GNAI3: variants seen among roughly 807,000 people sequenced by gnomAD.
GNAI3 encodes G protein subunit alpha i3.
Under a neutral mutation model 41.8 loss-of-function variants are expected in GNAI3, and 12 were observed. The ratio of observed to expected loss-of-function variants is 0.29; its 90% CI spans 0.18 to 0.47. The LOEUF (loss-of-function observed/expected upper bound fraction) is 0.47, where lower values mean the gene tolerates loss of function less well. Among genes scored for constraint, GNAI3 ranks in the 20% least tolerant of loss-of-function variants. GNAI3 has a pLI of 1.00. For synonymous variants in GNAI3, 132 were observed against 146.5 expected, an observed-to-expected ratio of 0.90 and a Z score of 0.71; for missense variants, 360 against 429.6, an observed-to-expected ratio of 0.84 and a Z score of 1.43.
intron 1 of GNAI3, among the ~76,000 whole-genome samples, chr1:109,572,351 G>A (rs1648626880): frequency 6.6e-6 from 1 of 152,166 alleles, no homozygotes; most frequent in Non-Finnish European, 1.5e-5. Context: ...GGAGAGAGGA[G>A]ATTGAGGAGT....
intron 1 of GNAI3, among the ~76,000 whole-genome samples, chr1:109,569,874 T>C (rs913191845): frequency 2.6e-5 from 4 of 152,042 alleles, no homozygotes; most frequent in African/African-American, 9.7e-5. Flanking sequence ...AAATTGATTC[T>C]GAGATTAATG....
chr1:109,596,760 G>C lies in GNAI3; in HGVS notation c.*4438G>C, dbSNP rs893817550. The C allele has an allele frequency of 6.6e-6, 1 of 152,162 alleles. No individual in the cohort carries two copies. The highest frequency in any genetic ancestry group is 2.4e-5 in the African/African-American group (1 of 41,432). 9.4% of individuals were successfully genotyped at this position (152,162 alleles called of 1,614,324 possible). Reference sequence around the variant, plus strand: ...ATGTTAAACAGCAGTAGTTACCTGGGGTACATGGTTAATTTGATTTAGCAG... The same window carrying C: ...ATGTTAAACAGCAGTAGTTACCTGGCGTACATGGTTAATTTGATTTAGCAG... On this transcript the variant is annotated 3_prime_UTR_variant, in exon 9 of 9. Coordinates refer to ENST00000369851, the MANE Select transcript of GNAI3 (RefSeq NM_006496.4).
Position 109,573,938 on chromosome 1 carries a change from A to G in GNAI3, c.204A>G (p.Gln68=), listed in dbSNP as rs773348873. Residue 68 remains glutamine, a synonymous_variant, in exon 3 of 9, where the codon CAA becomes CAG. Transcript: ENST00000369851. ...GCTATTCAGAGGATGAATGTAAACA[A>G]TATAAAGTAGTTGTCTACAGCAATA... ...EDGYSEDECK[Q]YKVVVYSNTI... 9.9e-6 allele frequency: 16 copies of G among 1,609,040 alleles called. No homozygotes were observed. Among genetic ancestry groups the G allele is most frequent in the Admixed American group, 1.7e-5 (1 of 59,974 alleles).
rs1241291274 is a variant in GNAI3, at chr1:109,594,009, G to A, written c.*1687G>A. 4.6e-5 allele frequency: 7 copies of A among 152,626 alleles called. No individual in the cohort carries two copies. The allele number at this position is 152,626 out of a possible 1,614,324, so 9.5% of individuals were successfully genotyped here. On this transcript the variant is annotated 3_prime_UTR_variant, in exon 9 of 9. Transcript: ENST00000369851. The stretch of plus-strand genomic sequence containing the variant: ...CAAGTCATAGCAGTTCAGTGCCTTT[G>A]TTGGTAGTTTTTAACTTTTTTTGTG...
chr1:109,567,448 A>G (rs1030866378), intron 1 of GNAI3, among the ~76,000 whole-genome samples: 1 of 152,206 alleles, frequency 6.6e-6, no homozygotes, highest in African/African-American at 2.4e-5. Context: ...AGGAGAGGCG[A>G]TAGTAGACAG....
intron 1 of GNAI3, among the ~76,000 whole-genome samples, chr1:109,571,669 G>A: frequency 6.6e-6 from 1 of 152,194 alleles, no homozygotes. Context: ...TGTAATCCCA[G>A]CATTTTGGGA....
intron 1 of GNAI3, 117 bp downstream of exon 1, chr1:109,548,955 C>T: frequency 1.6e-6 from 1 of 639,702 alleles, no homozygotes; most frequent in Non-Finnish European, 2.8e-6. Context: ...GGAGGGCGTG[C>T]CGGGCGTGGG....
intron 1 of GNAI3, among the ~76,000 whole-genome samples, chr1:109,559,804 T>C (rs1242123722): frequency 6.6e-6 from 1 of 152,242 alleles, no homozygotes; most frequent in Non-Finnish European, 1.5e-5. Flanking sequence ...CAGGTGATCC[T>C]GTTACCGGCT....
At chr1:109,557,030 G>A (rs774372447) in intron 1 of GNAI3, among the ~76,000 whole-genome samples, 40 of 152,152 alleles carry the variant, frequency 2.6e-4, no homozygotes, top group Non-Finnish European at 4.4e-4. Flanking sequence ...CTGCCTCCCA[G>A]GTTCGAGCAA....
intron 3 of GNAI3, among the ~76,000 whole-genome samples, chr1:109,575,679 T>C (rs551566): frequency 1.3e-5 from 2 of 151,482 alleles, no homozygotes; most frequent in East Asian, 1.9e-4. Flanking sequence ...TTACAGGCGC[T>C]CACCTCCACG....
chr1:109,555,895 C>T (rs1184063166), intron 1 of GNAI3, among the ~76,000 whole-genome samples: 1 of 151,574 alleles, frequency 6.6e-6, no homozygotes. Context: ...TTTTTCCTAT[C>T]CTGTCTCTCT....
rs770342789 is a variant in GNAI3, at chr1:109,586,196, C to T, written c.591-20C>T. 1.2e-6 allele frequency: 2 copies of T among 1,609,356 alleles called. No homozygotes were observed. Among genetic ancestry groups the T allele is most frequent in the Admixed American group, 1.7e-5 (1 of 59,678 alleles). ...TGTATGTGTGACCTTGCTGAATTTGCTTTCTTTCCCCTTGCGCAGGATGTT... is the reference window on the plus strand; with the variant it reads ...TGTATGTGTGACCTTGCTGAATTTGTTTTCTTTCCCCTTGCGCAGGATGTT... On this transcript the variant is annotated intron_variant, in intron 5 of 8. Coordinates refer to ENST00000369851, the MANE Select transcript of GNAI3 (RefSeq NM_006496.4).
At chr1:109,578,227 T>G (rs1648799109) in intron 3 of GNAI3, among the ~76,000 whole-genome samples, 1 of 151,944 alleles carries the variant, frequency 6.6e-6, no homozygotes, top group East Asian at 1.9e-4. Flanking sequence ...TCCCAGCACT[T>G]TGGGAGGCTG....
chr1:109,565,877 G>C (rs1439481261), intron 1 of GNAI3, among the ~76,000 whole-genome samples: 1 of 152,176 alleles, frequency 6.6e-6, no homozygotes, highest in African/African-American at 2.4e-5. Context: ...GAATTACATA[G>C]ATATGGAAGG....
chr1:109,578,470 C>CAAAAAAAAAAA (rs35519193), intron 3 of GNAI3, among the ~76,000 whole-genome samples: 1 of 84,308 alleles, frequency 1.2e-5, no homozygotes, highest in Non-Finnish European at 2.3e-5. Flanking sequence ...AACTCCGTCT[C>CAAAAAAAAAAA]AAAAAAAAAA....
At chr1:109,556,200 T>G (rs1571147139) in intron 1 of GNAI3, among the ~76,000 whole-genome samples, 1 of 151,994 alleles carries the variant, frequency 6.6e-6, no homozygotes, top group East Asian at 1.9e-4. Context: ...TACAGGCTAA[T>G]GCCACCACCG....
At chr1:109,587,794 A>G (rs1247649231) in intron 7 of GNAI3, among the ~76,000 whole-genome samples, 3 of 152,188 alleles carry the variant, frequency 2.0e-5, no homozygotes, top group African/African-American at 4.8e-5. Flanking sequence ...TGCAATAAAT[A>G]ATAAAGATAG....
intron 7 of GNAI3, among the ~76,000 whole-genome samples, chr1:109,588,671 G>A (rs1188923557): frequency 6.6e-6 from 1 of 151,968 alleles, no homozygotes; most frequent in Non-Finnish European, 1.5e-5. Flanking sequence ...GTGGCAGGTG[G>A]ATCATGAGGT....
At position 109,598,200 on chromosome 1, in the gene GNAI3, AAG is replaced by A. The variant is rs1649362315; in HGVS notation, c.*5884_*5885del. ...TTTACTAAGATGCTTATTTATATGT[AAG>A]AGAGATTTCCAGTAGATACAACAAA... is the stretch of plus-strand genomic sequence containing the variant. On this transcript the variant is annotated 3_prime_UTR_variant, in exon 9 of 9. Transcript: ENST00000369851. 6.6e-6 allele frequency: 1 copy of A among 152,224 alleles called. No individual in the cohort carries two copies. Among genetic ancestry groups the A allele is most frequent in the Non-Finnish European group, 1.5e-5 (1 of 68,034 alleles). The allele number at this position is 152,224 out of a possible 1,614,324, so 9.4% of individuals were successfully genotyped here. A position where few individuals can be genotyped will look rare whatever the true frequency, so the allele number is the denominator to read the frequency against.
Sources: gnomAD v4.1 joint callset for allele counts (sites outside exome capture counted in the v4.1 genomes callset) on GRCh38, gnomAD v4.1.1 for gene constraint, MANE v1.5 for transcripts, NCBI Gene and HGNC (gene_info 2026-07-23, HGNC 2026-07-21) for gene names.